The following NLRP14 variants were observed in gnomAD, a reference collection of about 807,000 sequenced individuals.
NLRP14 encodes NACHT, LRR and PYD domains-containing protein 14.
Under a neutral mutation model 94.7 loss-of-function variants are expected in NLRP14, and 105 were observed. That is an observed-to-expected ratio of 1.11 (90% CI 0.95 to 1.30). NLRP14 has a LOEUF of 1.30. NLRP14 is among the 50% of genes most tolerant of loss of function. The pLI is 0.00. For synonymous variants in NLRP14, 508 were observed against 459.9 expected (o/e 1.10, Z -1.34); for missense variants, 1,362 against 1,254.1 (o/e 1.09, Z -1.30).
chr11:7,075,558 A>G (rs1054412793), downstream of NLRP14, among the ~76,000 whole-genome samples: 2 of 152,262 alleles, frequency 1.3e-5, no homozygotes, highest in Admixed American at 6.5e-5. Flanking sequence ...GCATTTAAAT[A>G]TTAAAAACAT....
chr11:7,033,138 A>G (rs1852119827), intron 1 of NLRP14, among the ~76,000 whole-genome samples: 1 of 152,200 alleles, frequency 6.6e-6, no homozygotes, highest in Non-Finnish European at 1.5e-5. Context: ...ATTTACCACA[A>G]TGTATTGATT....
intron 6 of NLRP14, among the ~76,000 whole-genome samples, chr11:7,053,015 A>G (rs1277718201): frequency 6.6e-6 from 1 of 152,186 alleles, no homozygotes; most frequent in Admixed American, 6.5e-5. Context: ...TCATAATCAT[A>G]CCAAAAAAGT....
chr11:7,021,408 AT>A (rs1384357257), intron 1 of NLRP14, among the ~76,000 whole-genome samples: 2 of 152,146 alleles, frequency 1.3e-5, no homozygotes. Context: ...AAGCTCTTGC[AT>A]TTTTTATGAC....
In NLRP14 at chr11:7,043,128, GT is replaced by G. The variant is rs1852289897; in HGVS notation, c.1103del (p.Val368AlafsTer3). The G allele has an allele frequency of 1.2e-6, 2 of 1,614,158 alleles. No homozygotes were observed. The highest frequency in any genetic ancestry group is 1.3e-5 in the African/African-American group (1 of 75,054). ...SNEMLFSMCQ[V>X]PLVCWAACTC... is the part of the protein sequence containing the mutation. ...TGAGATGCTGTTTAGCATGTGCCAA[GT>G]CCCCCTAGTGTGCTGGGCCGCTTGT... On this transcript the variant is annotated frameshift_variant, in exon 4 of 12. Coordinates refer to ENST00000299481, the MANE Select transcript of NLRP14 (RefSeq NM_176822.4). LOFTEE classifies it high-confidence loss of function.
rs1852588294 is a variant in NLRP14 at position 7,059,915 on chromosome 11, T to C, written c.2655T>C (p.Thr885=). The change falls in exon 9 of 12, where the codon ACT becomes ACC. Residue 885 remains threonine (T), a synonymous_variant. Transcript: ENST00000299481. ...GTAGGCTGAGGCGTTGCCATTTCAC[T>C]TCACTTAGCAGTGAATATCTGTCAA... ...KSLVLRRCHF[T]SLSSEYLSTS... 6.2e-7 allele frequency: 1 copy of C among 1,612,524 alleles called. No homozygotes were observed. Among genetic ancestry groups the C allele is most frequent in the African/African-American group, 1.3e-5 (1 of 74,970 alleles).
intron 1 of NLRP14, among the ~76,000 whole-genome samples, chr11:7,025,312 C>T (rs1851999538): frequency 6.6e-6 from 1 of 152,018 alleles, no homozygotes; most frequent in Admixed American, 6.6e-5. Context: ...AATACATCAG[C>T]CAAAATATCA....
chr11:7,069,080 A>T (rs1852750655), intron 10 of NLRP14, among the ~76,000 whole-genome samples: 1 of 152,190 alleles, frequency 6.6e-6, no homozygotes, highest in Admixed American at 6.5e-5. Context: ...TCTAGATTTG[A>T]GTCTTTGCAG....
At chr11:7,037,399 C>A (rs1852176479) in intron 1 of NLRP14, among the ~76,000 whole-genome samples, 1 of 152,060 alleles carries the variant, frequency 6.6e-6, no homozygotes, top group South Asian at 2.1e-4. Context: ...ACTTTTATTT[C>A]CCCCATCCGT....
At chr11:7,083,384 G>A in the NLRP14 span, among the ~76,000 whole-genome samples, 1 of 152,098 alleles carries the variant, frequency 6.6e-6, no homozygotes, top group East Asian at 1.9e-4. Context: ...GGTGTTCCTC[G>A]GTCTGATGAA....
chr11:7,025,245 G>A (rs1014306887), intron 1 of NLRP14, among the ~76,000 whole-genome samples: 2 of 152,090 alleles, frequency 1.3e-5, no homozygotes, highest in African/African-American at 4.8e-5. Context: ...CTTTTGTAAT[G>A]TTGGAAGCTA....
chr11:7,057,864 T>A lies in NLRP14; in HGVS notation c.2462+17T>A, dbSNP rs761336296. 1.9e-6 allele frequency: 3 copies of A among 1,606,840 alleles called. No homozygotes were observed. In the South Asian group the frequency reaches 3.3e-5, roughly 18 times the overall value. On this transcript the variant is annotated intron_variant, in intron 7 of 11. Transcript: ENST00000299481. Reference sequence around the variant, plus strand: ...GAGACTGTCGTGAGTGTTTCTGTTTTGTTTTCTGTAGAGTCATTTTGCTTG... The same window carrying A: ...GAGACTGTCGTGAGTGTTTCTGTTTAGTTTTCTGTAGAGTCATTTTGCTTG...
At chr11:7,027,077 G>T (rs1432742379) in intron 1 of NLRP14, among the ~76,000 whole-genome samples, 1 of 152,006 alleles carries the variant, frequency 6.6e-6, no homozygotes, top group Non-Finnish European at 1.5e-5. Context: ...GCCTGTTCAT[G>T]TAGTCACTAG....
Position 7,043,740 on chromosome 11 carries a change from T to C in NLRP14, c.1714T>C (p.Tyr572His), listed in dbSNP as rs1281428629. Reference protein sequence around the residue: ...QCMEVLGNSDYSPSQLGFLEL... With the variant: ...QCMEVLGNSDHSPSQLGFLEL... ...TATGGAAGTATTAGGAAACAGTGAC[T>C]ATTCTCCATCACAGCTGGGATTTCT... Residue 572 changes from tyrosine to histidine, a missense_variant, in exon 4 of 12, where the codon TAT (tyrosine) becomes CAT (histidine). Transcript: ENST00000299481. The C allele has an allele frequency of 6.2e-7, 1 of 1,614,150 alleles. No individual in the cohort carries two copies. The highest frequency in any genetic ancestry group is 8.5e-7 in the Non-Finnish European group (1 of 1,179,990).
chr11:7,077,212 G>A, the NLRP14 span, among the ~76,000 whole-genome samples: 2 of 152,192 alleles, frequency 1.3e-5, no homozygotes, highest in East Asian at 1.9e-4. Context: ...AGACGCCCTC[G>A]GAACTCGGCG....
chr11:7,090,160 A>T, the NLRP14 span: 6 of 1,613,828 alleles, frequency 3.7e-6, no homozygotes, highest in East Asian at 1.3e-4. Context: ...GGCAGACCAG[A>T]TCGTGGGCTC....
rs779139860 is a variant in NLRP14, at chr11:7,049,719, T to C, written c.2172T>C (p.Ser724=). Residue 724 remains serine (S), a synonymous_variant, in exon 6 of 12, where the codon TCT becomes TCC. Transcript: ENST00000299481. ...FPDGCQDIST[S]LIHNKNLMHL... is the part of the protein sequence containing the mutation. ...ATGGTTGTCAGGATATCTCTACTTCTTTGATTCATAACAAGAATCTGATGC... is the reference window on the plus strand; with the variant it reads ...ATGGTTGTCAGGATATCTCTACTTCCTTGATTCATAACAAGAATCTGATGC... The C allele has an allele frequency of 6.2e-7, 1 of 1,612,916 alleles. No homozygotes were observed. The highest frequency in any genetic ancestry group is 1.7e-5 in the Admixed American group (1 of 60,024).
Position 7,043,240 on chromosome 11 carries a change from C to T in NLRP14, c.1214C>T (p.Ser405Phe). 1 of 1,614,148 alleles carries T rather than the reference C, an allele frequency of 6.2e-7. No individual in the cohort carries two copies. Among genetic ancestry groups the T allele is most frequent in the Non-Finnish European group, 8.5e-7 (1 of 1,180,012 alleles). Residue 405 changes from serine (S) to phenylalanine (F), a missense_variant, in exon 4 of 12, where the codon TCT becomes TTT. Physicochemically the swap from Ser to Phe is radical, Grantham distance 155. Transcript: ENST00000299481. ...ACAGCTCTGTTTACCTGCTATATTT[C>T]TAGCTTGTTCACACCAGTAGATGGA... The part of the protein sequence containing the change: ...TTTALFTCYI[S>F]SLFTPVDGGS...
chr11:7,039,933 G>A, intron 3 of NLRP14, 148 bp downstream of exon 3: 1 of 721,838 alleles, frequency 1.4e-6, no homozygotes. Flanking sequence ...AAAAGGATCA[G>A]CAAAACACTC....
rs752385825 is a variant in NLRP14, at chr11:7,071,350, A to G, written c.*42A>G. On this transcript the variant is annotated 3_prime_UTR_variant, in exon 12 of 12. Coordinates refer to ENST00000299481, the MANE Select transcript of NLRP14 (RefSeq NM_176822.4). ...TTCCTTTAAAAATATAAATATAAATACATACATACATAGATATATACCCAG... is the reference window on the plus strand; with the variant it reads ...TTCCTTTAAAAATATAAATATAAATGCATACATACATAGATATATACCCAG... 28 of 1,508,016 alleles carry G rather than the reference A, an allele frequency of 1.9e-5. No individual in the cohort carries two copies. In the Admixed American group the frequency reaches 4.6e-4, roughly 25 times the overall value. 93.4% of individuals were successfully genotyped at this position (1,508,016 alleles called of 1,614,324 possible).
Sources: allele counts gnomAD v4.1 joint callset (sites outside exome capture counted in the v4.1 genomes callset), GRCh38; gene constraint gnomAD v4.1.1; transcripts MANE v1.5; gene names NCBI Gene and HGNC (gene_info 2026-07-23, HGNC 2026-07-21).